SPAG16: variants seen among roughly 807,000 people sequenced by gnomAD.
SPAG16 encodes sperm-associated antigen 16 protein.
Under a neutral mutation model 80.4 loss-of-function variants are expected in SPAG16, and 86 were observed. The observed-to-expected ratio is 1.07, with a 90% confidence interval of 0.90 to 1.28. SPAG16 has a LOEUF of 1.28. SPAG16 is among the 50% of genes most tolerant of loss of function. The pLI, the probability that SPAG16 is intolerant of heterozygous loss-of-function variation, is 0.00. For synonymous variants in SPAG16, 294 were observed against 265.9 expected, an observed-to-expected ratio of 1.11 and a Z score of -1.03; for missense variants, 870 against 765.3, an observed-to-expected ratio of 1.14 and a Z score of -1.61.
chr2:213,468,415 G>T (rs916049533), intron 9 of SPAG16, among the ~76,000 whole-genome samples: 1 of 138,248 alleles, frequency 7.2e-6, no homozygotes, highest in Non-Finnish European at 1.5e-5. Context: ...ATGTATTTAT[G>T]TACAGATATA....
chr2:214,272,225 T>TTTTGCTATCATCTAC (rs1692083097), intron 15 of SPAG16, among the ~76,000 whole-genome samples: 1 of 152,188 alleles, frequency 6.6e-6, no homozygotes, highest in African/African-American at 2.4e-5. Context: ...TTTTATTATA[T>TTTTGCTATCATCTAC]TTTGCTATCA....
At chr2:213,492,543 C>G (rs1305539067) in intron 10 of SPAG16, among the ~76,000 whole-genome samples, 1 of 151,862 alleles carries the variant, frequency 6.6e-6, no homozygotes, top group East Asian at 1.9e-4. Flanking sequence ...GAGCGAGACT[C>G]TGTCTCAAAA....
chr2:213,315,432 G>A (rs1183722900), intron 4 of SPAG16, among the ~76,000 whole-genome samples: 3 of 151,568 alleles, frequency 2.0e-5, no homozygotes, highest in African/African-American at 2.4e-5. Context: ...TTTTGTAATC[G>A]TCCCGCTTTT....
intron 10 of SPAG16, among the ~76,000 whole-genome samples, chr2:213,622,960 G>T (rs1400996580): frequency 6.6e-6 from 1 of 152,180 alleles, no homozygotes; most frequent in Non-Finnish European, 1.5e-5. Flanking sequence ...CACATGGAGT[G>T]TGTGTGAAGA....
intron 15 of SPAG16, among the ~76,000 whole-genome samples, chr2:214,193,470 A>G (rs1182635516): frequency 6.7e-6 from 1 of 149,074 alleles, no homozygotes; most frequent in Non-Finnish European, 1.5e-5. Context: ...AGAAGGGGGT[A>G]GAGCTCAAAG....
In SPAG16 at chr2:213,631,270, C is replaced by A. The variant is rs2062141150; in HGVS notation, c.1070+141180C>A. On this transcript the variant is annotated intron_variant, in intron 10 of 15. Transcript: ENST00000331683. ...ATTTCAAAACAAACAAACAAACAAACCATGGACTATGTAGTTGTGAACAGT... is the reference window on the plus strand; with the variant it reads ...ATTTCAAAACAAACAAACAAACAAAACATGGACTATGTAGTTGTGAACAGT... 1.3e-5 allele frequency among the ~76,000 whole-genome samples: 2 copies of A among 152,016 alleles called. 1 individual carries two copies. Among genetic ancestry groups the A allele is most frequent in the Admixed American group, 1.3e-4 (2 of 15,256 alleles).
At chr2:214,142,681 C>A (rs1005008211) in intron 14 of SPAG16, among the ~76,000 whole-genome samples, 1 of 152,108 alleles carries the variant, frequency 6.6e-6, no homozygotes, top group African/African-American at 2.4e-5. Flanking sequence ...GAGTGTGCTA[C>A]TTGGTAAAGG....
intron 12 of SPAG16, among the ~76,000 whole-genome samples, chr2:213,969,889 G>A (rs769166331): frequency 3.3e-5 from 5 of 152,104 alleles, no homozygotes; most frequent in Non-Finnish European, 7.4e-5. Context: ...CACAGTAGTT[G>A]TCTCACTCCG....
intron 15 of SPAG16, among the ~76,000 whole-genome samples, chr2:214,344,880 G>A (rs1163591662): frequency 6.6e-6 from 1 of 152,040 alleles, no homozygotes; most frequent in African/African-American, 2.4e-5. Flanking sequence ...TCTAGTAACT[G>A]GGCTCTTCAT....
intron 10 of SPAG16, among the ~76,000 whole-genome samples, chr2:213,602,369 C>T (rs999700416): frequency 1.4e-4 from 22 of 152,252 alleles, no homozygotes; most frequent in African/African-American, 5.1e-4. Flanking sequence ...CAGTGGGGCT[C>T]TCGCCTGTAA....
At chr2:213,652,135 T>A (rs1559345407) in intron 10 of SPAG16, among the ~76,000 whole-genome samples, 1 of 152,318 alleles carries the variant, frequency 6.6e-6, no homozygotes, top group East Asian at 1.9e-4. Flanking sequence ...ACTTATTAGC[T>A]GTGACCCCAG....
chr2:213,535,301 A>T lies in SPAG16; in HGVS notation c.1070+45211A>T, dbSNP rs188186689. On this transcript the variant is annotated intron_variant, in intron 10 of 15. Transcript: ENST00000331683. ...ATAACAATGATGATAGAATTAGCAT[A>T]CAAGTATATTAAAACATTTAAATAA... 2.4e-3 allele frequency among the ~76,000 whole-genome samples: 359 copies of T among 152,250 alleles called. 15 individuals carry two copies. Among genetic ancestry groups the T allele is most frequent in the Non-Finnish European group, 1.6e-4 (11 of 67,950 alleles).
chr2:214,007,504 G>T (rs1400954844), intron 12 of SPAG16, among the ~76,000 whole-genome samples: 1 of 151,862 alleles, frequency 6.6e-6, no homozygotes, highest in Admixed American at 6.6e-5. Context: ...TCCATCTGTT[G>T]TCATTTCAAT....
intron 10 of SPAG16, among the ~76,000 whole-genome samples, chr2:213,674,533 C>A (rs2063959660): frequency 6.7e-6 from 1 of 149,982 alleles, no homozygotes; most frequent in East Asian, 1.9e-4. Context: ...ATCCCTCCCC[C>A]TTTCCCCCAC....
rs151034020 is a variant in SPAG16, at chr2:214,032,641, C to T, written c.1527+18564C>T. On this transcript the variant is annotated intron_variant, in intron 13 of 15. Transcript: ENST00000331683. Reference sequence around the variant, plus strand: ...AGATGCCACTGGATTTACAGTTTGGCTGAATTCTAGGGAAATCACATGTTG... The same window carrying T: ...AGATGCCACTGGATTTACAGTTTGGTTGAATTCTAGGGAAATCACATGTTG... 7.9e-5 allele frequency among the ~76,000 whole-genome samples: 12 copies of T among 152,028 alleles called. No individual in the cohort carries two copies. In the East Asian group the frequency reaches 1.9e-3, roughly 24 times the overall value.
chr2:214,267,640 T>C (rs1344827045), intron 15 of SPAG16, among the ~76,000 whole-genome samples: 1 of 151,596 alleles, frequency 6.6e-6, no homozygotes, highest in Non-Finnish European at 1.5e-5. Context: ...CAAGAGAAAA[T>C]AAAGATATCA....
At position 213,757,113 on chromosome 2, in the gene SPAG16, A is replaced by G. The variant is rs2068384137; in HGVS notation, c.1071-105372A>G. On this transcript the variant is annotated intron_variant, in intron 10 of 15. Coordinates refer to ENST00000331683, the MANE Select transcript of SPAG16 (RefSeq NM_024532.5). ...CATAAATCTGAAACGGAAATTTTTA[A>G]AAATTGGGTTAAAATAGCATCAAAA... Among the ~76,000 whole-genome samples the G allele has an allele frequency of 3.3e-5, 5 of 152,206 alleles. No individual in the cohort carries two copies. The South Asian group carries it at 1.0e-3, about 32-fold the overall frequency.
At chr2:213,992,255 G>A (rs951852330) in intron 12 of SPAG16, among the ~76,000 whole-genome samples, 2 of 151,948 alleles carry the variant, frequency 1.3e-5, no homozygotes, top group Non-Finnish European at 1.5e-5. Flanking sequence ...GAATTGTTTA[G>A]CGTTGCAGAA....
intron 5 of SPAG16, among the ~76,000 whole-genome samples, chr2:213,321,958 T>G (rs1032917559): frequency 6.6e-6 from 1 of 152,066 alleles, no homozygotes; most frequent in Non-Finnish European, 1.5e-5. Flanking sequence ...AAAGTTGCAC[T>G]TAAAGCAGGT....
Sources: allele counts gnomAD v4.1 joint callset (sites outside exome capture counted in the v4.1 genomes callset), GRCh38; gene constraint gnomAD v4.1.1; transcripts MANE v1.5; gene names NCBI Gene and HGNC (gene_info 2026-07-23, HGNC 2026-07-21).